The following CMTM8 variants were observed in gnomAD, a reference collection of about 807,000 sequenced individuals.
CMTM8 encodes CKLF-like MARVEL transmembrane domain-containing protein 8.
In CMTM8, 12 loss-of-function variants were observed where a neutral mutation model predicts 18.6. The observed-to-expected ratio is 0.65, with a 90% CI of 0.41 to 1.05. The LOEUF (loss-of-function observed/expected upper bound fraction) is 1.05, where lower values mean the gene tolerates loss of function less well. Ranked by LOEUF, CMTM8 falls within the 50% of genes least tolerant of loss-of-function variation. The pLI is 0.00. For synonymous variants in CMTM8, 87 were observed against 90.6 expected (o/e 0.96, Z 0.23); for missense variants, 217 against 227.2 (o/e 0.95, Z 0.29).
intron 1 of CMTM8, among the ~76,000 whole-genome samples, chr3:32,246,259 T>A (rs1702014192): frequency 6.6e-6 from 1 of 152,182 alleles, no homozygotes; most frequent in South Asian, 2.1e-4. Context: ...TGCCATCTGA[T>A]GTCCCACTGG....
At chr3:32,275,485 T>C (rs948117956) in intron 1 of CMTM8, among the ~76,000 whole-genome samples, 3 of 152,152 alleles carry the variant, frequency 2.0e-5, no homozygotes, top group Non-Finnish European at 4.4e-5. Flanking sequence ...TGCAAATTCA[T>C]GTAAATTGTT....
At chr3:32,273,165 G>A (rs900025419) in intron 1 of CMTM8, among the ~76,000 whole-genome samples, 27 of 149,736 alleles carry the variant, frequency 1.8e-4, no homozygotes, top group African/African-American at 5.4e-4. Context: ...GTGTGTGTAC[G>A]TGCCCAGGCT....
In CMTM8 at chr3:32,293,658, C is replaced by A. The variant is rs181802501; in HGVS notation, c.147+54539C>A. Among the ~76,000 whole-genome samples the A allele has an allele frequency of 8.2e-4, 125 of 152,242 alleles. 3 individuals carry two copies. In the East Asian group the frequency reaches 0.018, roughly 21 times the overall value. ...GTCAGGAGTTCAAGACCAGCTTGGG[C>A]AACATGGAGAAACCTCGTCTCTACT... On this transcript the variant is annotated intron_variant, in intron 1 of 3. Transcript: ENST00000307526.
intron 1 of CMTM8, among the ~76,000 whole-genome samples, chr3:32,354,398 C>T (rs1038393578): frequency 2.0e-5 from 3 of 152,102 alleles, no homozygotes; most frequent in East Asian, 1.9e-4. Context: ...ATTCTTTTTA[C>T]TTTGTTTGCT....
intron 2 of CMTM8, 50 bp downstream of exon 2, chr3:32,357,596 G>T: frequency 6.4e-7 from 1 of 1,558,588 alleles, no homozygotes; most frequent in Non-Finnish European, 8.8e-7. Context: ...TCGGTAGATG[G>T]CATTAGTCCT....
At chr3:32,333,198 A>G (rs1189440275) in intron 1 of CMTM8, among the ~76,000 whole-genome samples, 1 of 152,250 alleles carries the variant, frequency 6.6e-6, no homozygotes, top group Non-Finnish European at 1.5e-5. Flanking sequence ...ATGGACACTG[A>G]AATTTGAATG....
chr3:32,364,173 A>G (rs1013036125), intron 2 of CMTM8, among the ~76,000 whole-genome samples: 1 of 152,162 alleles, frequency 6.6e-6, no homozygotes, highest in African/African-American at 2.4e-5. Context: ...GGAGTTCAAG[A>G]CCAGCCTGGG....
intron 3 of CMTM8, 60 bp downstream of exon 3, chr3:32,368,048 T>C (rs551365198): frequency 2.7e-5 from 32 of 1,202,156 alleles, no homozygotes; most frequent in African/African-American, 1.9e-4. Context: ...TTGCTTGGGA[T>C]TGGGGAAGAC....
chr3:32,310,337 C>A (rs1695796283), intron 1 of CMTM8, among the ~76,000 whole-genome samples: 1 of 152,086 alleles, frequency 6.6e-6, no homozygotes. Context: ...CTTAAATTTA[C>A]AGTTCAGCTG....
rs552435149 is a variant in CMTM8, at chr3:32,273,666, G to C, written c.147+34547G>C. On this transcript the variant is annotated intron_variant, in intron 1 of 3. Coordinates refer to ENST00000307526, the MANE Select transcript of CMTM8 (RefSeq NM_178868.5). ...GCATAGAAACAGCAAGTAGGTGAGT[G>C]CGTTAGTGCGTGCTGGGAGAGGGAG... Among the ~76,000 whole-genome samples the C allele has an allele frequency of 5.9e-5, 9 of 152,290 alleles. No homozygotes were observed. In the South Asian group the frequency reaches 1.9e-3, roughly 32 times the overall value.
chr3:32,323,450 A>T (rs1025008626), intron 1 of CMTM8, among the ~76,000 whole-genome samples: 1 of 152,220 alleles, frequency 6.6e-6, no homozygotes, highest in Non-Finnish European at 1.5e-5. Flanking sequence ...TAATGTGGGC[A>T]TGGCCAGATT....
chr3:32,265,934 A>G (rs1265296388), intron 1 of CMTM8, among the ~76,000 whole-genome samples: 2 of 152,172 alleles, frequency 1.3e-5, no homozygotes, highest in Non-Finnish European at 1.5e-5. Context: ...TAGACCAATA[A>G]CAGGCTCTGA....
chr3:32,281,214 C>A (rs1451318260), intron 1 of CMTM8, among the ~76,000 whole-genome samples: 1 of 152,184 alleles, frequency 6.6e-6, no homozygotes, highest in South Asian at 2.1e-4. Flanking sequence ...TCCCTGGCAC[C>A]TCTCTAGTGG....
intron 1 of CMTM8, among the ~76,000 whole-genome samples, chr3:32,288,810 T>C (rs537817479): frequency 3.3e-5 from 5 of 152,354 alleles, no homozygotes; most frequent in African/African-American, 9.6e-5. Flanking sequence ...GCAGCTGTCA[T>C]TTCTAAAGCA....
chr3:32,268,172 T>C (rs1702377352), intron 1 of CMTM8, among the ~76,000 whole-genome samples: 4 of 152,272 alleles, frequency 2.6e-5, no homozygotes, highest in East Asian at 3.9e-4. Context: ...CTATTCACAG[T>C]AGCAAAGACT....
intron 1 of CMTM8, among the ~76,000 whole-genome samples, chr3:32,319,651 T>G (rs984150885): frequency 5.3e-5 from 8 of 152,240 alleles, no homozygotes; most frequent in Non-Finnish European, 1.2e-4. Flanking sequence ...CCAGTGACTT[T>G]CATCCTGTGA....
At chr3:32,317,266 T>A (rs908700218) in intron 1 of CMTM8, among the ~76,000 whole-genome samples, 1 of 152,202 alleles carries the variant, frequency 6.6e-6, no homozygotes, top group Admixed American at 6.5e-5. Context: ...TCTCAGTAAA[T>A]GTTAGTTTAT....
intron 1 of CMTM8, among the ~76,000 whole-genome samples, chr3:32,256,948 A>G (rs1039945762): frequency 6.6e-6 from 1 of 152,124 alleles, no homozygotes; most frequent in African/African-American, 2.4e-5. Context: ...AAGTAACTAA[A>G]TGGTCTTTTT....
Position 32,319,299 on chromosome 3 carries a change from G to A in CMTM8, c.148-38074G>A, listed in dbSNP as rs1378140517. On this transcript the variant is annotated intron_variant, in intron 1 of 3. Transcript: ENST00000307526. ...TCACCATATTGGCCAGGCTGGTCTCGAACTCCTGACCTCAGGTGATCCGCC... is the reference window on the plus strand; with the variant it reads ...TCACCATATTGGCCAGGCTGGTCTCAAACTCCTGACCTCAGGTGATCCGCC... Among the ~76,000 whole-genome samples the A allele has an allele frequency of 2.7e-5, 4 of 150,636 alleles. No individual in the cohort carries two copies. The South Asian group carries it at 6.3e-4, about 24-fold the overall frequency.
Sources: allele counts gnomAD v4.1 joint callset (sites outside exome capture counted in the v4.1 genomes callset), GRCh38; gene constraint gnomAD v4.1.1; transcripts MANE v1.5; gene names NCBI Gene and HGNC (gene_info 2026-07-23, HGNC 2026-07-21).